HTT: variants seen among roughly 807,000 people sequenced by gnomAD.
The protein encoded by HTT is huntington disease protein.
HTT carries 104 observed loss-of-function variants against 362.3 expected under a neutral mutation model. That is an observed-to-expected ratio of 0.29 (90% CI 0.24 to 0.34). HTT has a LOEUF of 0.34. Among genes scored for constraint, HTT ranks in the 10% least tolerant of loss-of-function variants. The probability of loss-of-function intolerance (pLI) is 1.00; values close to 1 mark genes in which losing one functional copy is unlikely to be tolerated. For synonymous variants in HTT, 1,577 were observed against 1,548.7 expected (o/e 1.02, Z -0.43); for missense variants, 3,301 against 3,928.6 (o/e 0.84, Z 4.27).
chr4:3,238,772 C>T (rs770959982), intron 65 of HTT, 46 bp from the exon 66 acceptor site: 11 of 1,363,420 alleles, frequency 8.1e-6, no homozygotes, highest in Middle Eastern at 5.1e-4. Context: ...CAGGTGCTTC[C>T]CGTCCCCCCA....
At chr4:3,176,948 G>A (rs1000275791) in intron 33 of HTT, among the ~76,000 whole-genome samples, 2 of 152,210 alleles carry the variant, frequency 1.3e-5, no homozygotes, top group Non-Finnish European at 2.9e-5. Context: ...TCGCCTCTCA[G>A]ATGGTTGGGG....
chr4:3,078,267 C>A (rs1244277016), intron 1 of HTT, among the ~76,000 whole-genome samples: 1 of 152,208 alleles, frequency 6.6e-6, no homozygotes, highest in African/African-American at 2.4e-5. Flanking sequence ...TACTATGTGC[C>A]TGGCACTGTT....
intron 25 of HTT, among the ~76,000 whole-genome samples, chr4:3,147,719 A>C (rs965537168): frequency 1.3e-5 from 2 of 152,198 alleles, no homozygotes; most frequent in African/African-American, 4.8e-5. Flanking sequence ...AGGAGGCAGA[A>C]TTGCCAGGCC....
intron 59 of HTT, 137 bp downstream of exon 59, chr4:3,229,146 C>A: frequency 1.3e-6 from 1 of 784,040 alleles, no homozygotes; most frequent in Non-Finnish European, 2.0e-6. Context: ...CACACACAGG[C>A]CACACGCACC....
intron 26 of HTT, among the ~76,000 whole-genome samples, chr4:3,152,680 A>G (rs1344954987): frequency 2.0e-5 from 3 of 151,602 alleles, no homozygotes; most frequent in Admixed American, 2.0e-4. Flanking sequence ...CAGGGTTTTC[A>G]GTGTAGCAGC....
At chr4:3,204,223 C>G in intron 42 of HTT, 75 bp downstream of exon 42, 1 of 1,510,484 alleles carries the variant, frequency 6.6e-7, no homozygotes, top group Non-Finnish European at 9.1e-7. Flanking sequence ...ATGACACTTG[C>G]ATGGACCCTC....
At chr4:3,157,992 G>T (rs4690010) in intron 28 of HTT, among the ~76,000 whole-genome samples, 68,925 of 146,394 alleles carry the variant, frequency 0.47, 16,578 homozygotes, top group African/African-American at 0.59. Context: ...AAGCATCCTT[G>T]TTTTTTTTTT....
At chr4:3,101,163 A>G (rs545713762) in intron 3 of HTT, among the ~76,000 whole-genome samples, 1 of 152,316 alleles carries the variant, frequency 6.6e-6, no homozygotes, top group East Asian at 1.9e-4. Context: ...CTGTTCTAAT[A>G]TTGGTCATTT....
In HTT at chr4:3,086,939, A is replaced by G; in HGVS notation, c.264A>G (p.Pro88=). The G allele has an allele frequency of 6.3e-7, 1 of 1,577,746 alleles. No homozygotes were observed. The change falls in exon 2 of 67, where the codon CCA becomes CCG. Residue 88 remains proline (P), a splice_region_variant and synonymous_variant. Transcript: ENST00000355072. The part of the protein sequence containing the change: ...PAVAEEPLHR[P]KKELSATKKD... ...ATTTCCTTCTTTTTTTTATTTTTAG[A>G]AAGAAAGAACTTTCAGCTACCAAGA...
In HTT at chr4:3,228,061, T is replaced by C. The variant is rs1721004089; in HGVS notation, c.7849-554T>C. ...GAGTTGGGGCTAGTGCCAGTGATGA[T>C]GGAGAACAGCTTTTTATGGGCACAC... On this transcript the variant is annotated intron_variant, in intron 57 of 66. Coordinates refer to ENST00000355072, the MANE Select transcript of HTT (RefSeq NM_001388492.1). The surrounding 1 kb of genome is among the most constrained non-coding windows in gnomAD (Gnocchi z 4.3). Among the ~76,000 whole-genome samples the C allele has an allele frequency of 6.6e-6, 1 of 152,114 alleles. No homozygotes were observed. The highest frequency in any genetic ancestry group is 2.4e-5 in the African/African-American group (1 of 41,434).
chr4:3,154,304 T>C lies in HTT; in HGVS notation c.3510T>C (p.Pro1170=). The C allele has an allele frequency of 6.3e-7, 1 of 1,593,334 alleles. No homozygotes were observed. Among genetic ancestry groups the C allele is most frequent in the Non-Finnish European group, 8.5e-7 (1 of 1,169,704 alleles). ...APGPAIKAAL[P]SLTNPPSLSP... ...TTTTTCTATTTTAGGCAGCCTTGCC[T>C]TCTCTAACAAACCCCCCTTCTCTAA... The change falls in exon 27 of 67, where the codon CCT becomes CCC. Residue 1170 remains proline, a synonymous_variant. Transcript: ENST00000355072.
At chr4:3,130,721 A>T (rs774593488) in intron 14 of HTT, among the ~76,000 whole-genome samples, 1 of 152,186 alleles carries the variant, frequency 6.6e-6, no homozygotes, top group Non-Finnish European at 1.5e-5. Context: ...ATGGCCTGCA[A>T]CGTTTCTTGT....
rs771401044 is a variant in HTT, at chr4:3,207,306, A to C, written c.6101A>C (p.Glu2034Ala). 2.7e-5 allele frequency: 43 copies of C among 1,613,806 alleles called. No individual in the cohort carries two copies. The highest frequency in any genetic ancestry group is 3.5e-5 in the Non-Finnish European group (41 of 1,179,932). ...AGCAGCATGGCCCAGTTGCCAATGG[A>C]AGAACTCAACAGAATCCAGGAATAC... Reference protein sequence around the residue: ...LQSSMAQLPMEELNRIQEYLQ... With the variant: ...LQSSMAQLPMAELNRIQEYLQ... The change falls in exon 45 of 67, where the codon GAA becomes GCA. Residue 2034 changes from glutamate to alanine, a missense_variant. This residue lies in a region of HTT where 2,316 missense variants were observed against 2,658.5 expected (regional missense o/e 0.87). Transcript: ENST00000355072.
At chr4:3,127,133 CA>C in intron 11 of HTT, 130 bp from the exon 12 acceptor site, 1 of 672,984 alleles carries the variant, frequency 1.5e-6, no homozygotes, top group Non-Finnish European at 2.6e-6. Context: ...TCCTGCATTT[CA>C]GCATCTTCAG....
At chr4:3,162,716 GCTCT>G (rs760510319) in intron 29 of HTT, among the ~76,000 whole-genome samples, 1 of 152,062 alleles carries the variant, frequency 6.6e-6, no homozygotes, top group Non-Finnish European at 1.5e-5. Flanking sequence ...TCATGATTTG[GCTCT>G]CTGTTTGTCT....
chr4:3,138,677 G>A (rs1009656577), intron 21 of HTT, among the ~76,000 whole-genome samples: 2 of 152,096 alleles, frequency 1.3e-5, no homozygotes, highest in South Asian at 2.1e-4. Flanking sequence ...GTGGTGGTGC[G>A]ATCTCGGCTC....
intron 51 of HTT, among the ~76,000 whole-genome samples, chr4:3,215,438 C>G (rs1016130670): frequency 6.6e-6 from 1 of 152,126 alleles, no homozygotes; most frequent in Admixed American, 6.5e-5. Flanking sequence ...GTCTCTGACC[C>G]TACAGACCAG....
intron 66 of HTT, 61 bp downstream of exon 66, chr4:3,239,039 T>C: frequency 1.3e-6 from 2 of 1,506,070 alleles, no homozygotes; most frequent in African/African-American, 1.4e-5. Flanking sequence ...AGGCTCATGT[T>C]TCATGATAAG....
At chr4:3,088,607 T>C (rs1238148188) in intron 2 of HTT, among the ~76,000 whole-genome samples, 1 of 152,238 alleles carries the variant, frequency 6.6e-6, no homozygotes, top group African/African-American at 2.4e-5. Context: ...GTTTTTCTTC[T>C]GTCAAAACTG....
Sources: allele counts gnomAD v4.1 joint callset (sites outside exome capture counted in the v4.1 genomes callset), GRCh38; gene constraint gnomAD v4.1.1; regional missense constraint gnomAD v4.1.1; non-coding constraint Gnocchi (gnomAD v3.1); transcripts MANE v1.5; gene names NCBI Gene and HGNC (gene_info 2026-07-23, HGNC 2026-07-21).